CDK14: variants seen among roughly 807,000 people sequenced by gnomAD.
The protein encoded by CDK14 is cyclin dependent kinase 14.
A neutral mutation model predicts 60.7 loss-of-function variants in CDK14; 34 were observed. That is an observed-to-expected ratio of 0.56 (90% CI 0.43 to 0.75). The LOEUF is 0.75. Among genes scored for constraint, CDK14 ranks in the 30% least tolerant of loss-of-function variants. CDK14 has a pLI of 0.00. For missense variants in CDK14, 482 were observed against 564.1 expected (o/e 0.85, Z 1.47); for synonymous variants, 197 against 203.7 (o/e 0.97, Z 0.28).
chr7:91,133,972 T>C (rs1800191379), intron 14 of CDK14, among the ~76,000 whole-genome samples: 1 of 152,100 alleles, frequency 6.6e-6, no homozygotes, highest in Non-Finnish European at 1.5e-5. Context: ...AATAGCAGTA[T>C]CCAGATGATT....
At chr7:91,117,245 G>T (rs1184447012) in intron 13 of CDK14, among the ~76,000 whole-genome samples, 2 of 151,072 alleles carry the variant, frequency 1.3e-5, no homozygotes, top group Admixed American at 6.6e-5. Flanking sequence ...TCCACATTCA[G>T]TTCTTCCACA....
At chr7:90,739,781 A>G (rs1803269708) in intron 3 of CDK14, among the ~76,000 whole-genome samples, 2 of 152,236 alleles carry the variant, frequency 1.3e-5, no homozygotes, top group South Asian at 4.1e-4. Flanking sequence ...AATAATTTAG[A>G]GTGGAACTGT....
chr7:90,812,564 A>G (rs1789172529), intron 5 of CDK14, among the ~76,000 whole-genome samples: 1 of 152,174 alleles, frequency 6.6e-6, no homozygotes, highest in South Asian at 2.1e-4. Flanking sequence ...ACATGTATAC[A>G]TATGTTACTA....
chr7:90,771,094 A>C (rs932318757), intron 4 of CDK14, among the ~76,000 whole-genome samples: 4 of 151,988 alleles, frequency 2.6e-5, no homozygotes, highest in Non-Finnish European at 5.9e-5. Flanking sequence ...TTTTCCATCC[A>C]CCAATCCCCC....
At chr7:90,910,335 A>G (rs1792853566) in intron 7 of CDK14, among the ~76,000 whole-genome samples, 1 of 152,170 alleles carries the variant, frequency 6.6e-6, no homozygotes. Context: ...AATCATGATG[A>G]ATCATTTTGT....
chr7:90,637,016 C>G lies in CDK14; in HGVS notation c.123+32767C>G, dbSNP rs1244954599. 2.6e-5 allele frequency among the ~76,000 whole-genome samples: 4 copies of G among 151,922 alleles called. No individual in the cohort carries two copies. The East Asian group carries it at 7.8e-4, about 29-fold the overall frequency. ...CATTTTTTATTGCGTCTATTTGATT[C>G]TTCTCTCTTTTTTTCTTTATTAGCC... On this transcript the variant is annotated intron_variant, in intron 2 of 14. Transcript: ENST00000380050.
At chr7:91,181,298 CCA>C (rs1397006590) in intron 14 of CDK14, among the ~76,000 whole-genome samples, 1 of 152,038 alleles carries the variant, frequency 6.6e-6, no homozygotes, top group Admixed American at 6.6e-5. Flanking sequence ...TTAGAGTTTC[CCA>C]CAGTCAGTTT....
intron 2 of CDK14, among the ~76,000 whole-genome samples, chr7:90,635,350 A>T (rs890938242): frequency 1.3e-5 from 2 of 152,210 alleles, no homozygotes; most frequent in Admixed American, 6.5e-5. Context: ...CTTTCTACAG[A>T]TGGCTAGCCA....
At chr7:91,123,808 G>A (rs1033466770) in intron 14 of CDK14, among the ~76,000 whole-genome samples, 3 of 152,240 alleles carry the variant, frequency 2.0e-5, no homozygotes, top group African/African-American at 4.8e-5. Context: ...CAGAGGACTC[G>A]CAGGCTCTCA....
At chr7:90,636,133 T>C (rs1013632654) in intron 2 of CDK14, among the ~76,000 whole-genome samples, 62 of 150,964 alleles carry the variant, frequency 4.1e-4, no homozygotes, top group African/African-American at 1.4e-3. Context: ...TATTTCCTTC[T>C]CCTGCCTAAT....
At chr7:90,745,933 G>A (rs1336633918) in intron 3 of CDK14, among the ~76,000 whole-genome samples, 1 of 152,134 alleles carries the variant, frequency 6.6e-6, no homozygotes. Context: ...TTACAGCTTG[G>A]GGGATGGGGA....
At position 90,955,052 on chromosome 7, in the gene CDK14, T is replaced by C. The variant is rs1794371555; in HGVS notation, c.827-645T>C. 2.6e-5 allele frequency among the ~76,000 whole-genome samples: 4 copies of C among 152,118 alleles called. No individual in the cohort carries two copies. The South Asian group carries it at 8.3e-4, about 32-fold the overall frequency. The stretch of plus-strand genomic sequence containing the variant: ...ACATCTTCCCAGTTTAAAAAAATTC[T>C]TAGAGGACATTTTAATTTATCATAT... On this transcript the variant is annotated intron_variant, in intron 8 of 14. Transcript: ENST00000380050.
intron 14 of CDK14, among the ~76,000 whole-genome samples, chr7:91,195,575 ATT>A (rs1226476423): frequency 1.3e-5 from 2 of 152,192 alleles, no homozygotes; most frequent in Non-Finnish European, 2.9e-5. Context: ...AACATTGAAT[ATT>A]TCTCATGGGT....
intron 6 of CDK14, among the ~76,000 whole-genome samples, chr7:90,868,304 C>T (rs7801153): frequency 0.61 from 89,169 of 145,384 alleles, 26,928 homozygotes; most frequent in East Asian, 0.86. Flanking sequence ...TATATATATA[C>T]ACACACACAC....
chr7:90,963,086 AGTGT>A (rs34662049), intron 9 of CDK14, among the ~76,000 whole-genome samples: 2,921 of 142,138 alleles, frequency 0.021, 38 homozygotes, highest in African/African-American at 0.029. Flanking sequence ...TCATCTTAAG[AGTGT>A]GTGTGTGTGT....
intron 5 of CDK14, among the ~76,000 whole-genome samples, chr7:90,811,568 A>G (rs559660783): frequency 2.0e-5 from 3 of 152,138 alleles, no homozygotes; most frequent in East Asian, 1.9e-4. Flanking sequence ...CAAGGACTTC[A>G]TGTCTAAAAC....
intron 2 of CDK14, among the ~76,000 whole-genome samples, chr7:90,652,963 C>A (rs1004730168): frequency 9.2e-5 from 14 of 152,074 alleles, no homozygotes; most frequent in African/African-American, 3.4e-4. Context: ...ATTTGCTCCC[C>A]TGAATTTCTT....
intron 4 of CDK14, among the ~76,000 whole-genome samples, chr7:90,780,742 A>T (rs1452919264): frequency 2.6e-5 from 4 of 151,994 alleles, no homozygotes; most frequent in African/African-American, 4.8e-5. Flanking sequence ...TCATCATTTT[A>T]TATGGCTCCA....
intron 2 of CDK14, among the ~76,000 whole-genome samples, chr7:90,683,811 CA>C (rs1801373535): frequency 6.6e-6 from 1 of 151,978 alleles, no homozygotes; most frequent in Non-Finnish European, 1.5e-5. Context: ...CAAAAATCCG[CA>C]AAAGACCAAA....
Sources: allele counts gnomAD v4.1 joint callset (sites outside exome capture counted in the v4.1 genomes callset), GRCh38; gene constraint gnomAD v4.1.1; transcripts MANE v1.5; gene names NCBI Gene and HGNC (gene_info 2026-07-23, HGNC 2026-07-21).